Variants in SLC22A11 observed in about 807,000 individuals in gnomAD.
The protein encoded by SLC22A11 is organic anion transporter 4.
Under a neutral mutation model 49.4 loss-of-function variants are expected in SLC22A11, and 42 were observed. The observed-to-expected ratio is 0.85, with a 90% CI of 0.66 to 1.10. The LOEUF (loss-of-function observed/expected upper bound fraction) is 1.10, where lower values mean the gene tolerates loss of function less well. Among genes scored for constraint, SLC22A11 ranks in the 50% least tolerant of loss-of-function variants. The pLI is 0.00. For missense variants in SLC22A11, 685 were observed against 731.6 expected, an observed-to-expected ratio of 0.94 and a Z score of 0.74; for synonymous variants, 304 against 315.8, an observed-to-expected ratio of 0.96 and a Z score of 0.40.
intron 2 of SLC22A11, among the ~76,000 whole-genome samples, chr11:64,559,833 C>T (rs989507738): frequency 2.6e-5 from 4 of 152,296 alleles, no homozygotes; most frequent in East Asian, 3.9e-4. Flanking sequence ...GTGATGGGCA[C>T]GCCAGGGCCA....
Position 64,556,063 on chromosome 11 carries a change from CTCACCT to C in SLC22A11, c.68_73del (p.Thr23_Phe24del). 2 of 1,613,936 alleles carry C rather than the reference CTCACCT, an allele frequency of 1.2e-6. No homozygotes were observed. Among genetic ancestry groups the C allele is most frequent in the South Asian group, 1.1e-5 (1 of 91,084 alleles). ...GGGCCTCTTCCAGACCCTGCAGGTGCTCACCTTCATCCTCCCCTGCCTCATGATACC... is the reference window on the plus strand; with the variant it reads ...GGGCCTCTTCCAGACCCTGCAGGTGCTCATCCTCCCCTGCCTCATGATACC... On this transcript the variant is annotated inframe_deletion, in exon 1 of 10. Transcript: ENST00000301891.
At chr11:64,556,444 C>A in intron 1 of SLC22A11, 52 bp downstream of exon 1, 2 of 1,589,224 alleles carry the variant, frequency 1.3e-6, no homozygotes, top group South Asian at 1.1e-5. Context: ...AGGTCAGAGT[C>A]ATGGATCAGG....
At chr11:64,559,873 G>T (rs2038518300) in intron 2 of SLC22A11, among the ~76,000 whole-genome samples, 1 of 152,180 alleles carries the variant, frequency 6.6e-6, no homozygotes, top group Non-Finnish European at 1.5e-5. Flanking sequence ...TCTCGTACCA[G>T]GTGACACTGA....
At chr11:64,569,994 A>G in intron 9 of SLC22A11, 136 bp downstream of exon 9, 2 of 737,052 alleles carry the variant, frequency 2.7e-6, no homozygotes, top group Non-Finnish European at 4.4e-6. Flanking sequence ...CTTTCCAACA[A>G]TCCTGCCAGA....
In SLC22A11 at chr11:64,562,489, C is replaced by A; in HGVS notation, c.821+54C>A. On this transcript the variant is annotated intron_variant, in intron 4 of 9. Transcript: ENST00000301891. This position sits in a 1 kb window ranked among gnomAD's most constrained non-coding sequence, Gnocchi z 4.4. ...GGAGACCCAGGGTGGGAGGGGGACTCTTCACTTTCACCTCTCTGGCTGGCA... is the reference window on the plus strand; with the variant it reads ...GGAGACCCAGGGTGGGAGGGGGACTATTCACTTTCACCTCTCTGGCTGGCA... 6.8e-7 allele frequency: 1 copy of A among 1,480,568 alleles called. No individual in the cohort carries two copies. The highest frequency in any genetic ancestry group is 1.8e-4 in the Middle Eastern group (1 of 5,558). 91.7% of individuals were successfully genotyped at this position (1,480,568 alleles called of 1,614,324 possible).
chr11:64,562,243 C>A lies in SLC22A11; in HGVS notation c.653-24C>A. The A allele has an allele frequency of 6.2e-7, 1 of 1,600,556 alleles. No homozygotes were observed. The highest frequency in any genetic ancestry group is 8.5e-7 in the Non-Finnish European group (1 of 1,171,100). ...GCTCAGGCCGCCGCATGAGGCCTCA[C>A]CTGCACGTGTCTGCATCCTTCAGTG... On this transcript the variant is annotated intron_variant, in intron 3 of 9. Coordinates refer to ENST00000301891, the MANE Select transcript of SLC22A11 (RefSeq NM_018484.4). This position sits in a 1 kb window ranked among gnomAD's most constrained non-coding sequence, Gnocchi z 4.4.
chr11:64,570,581 C>T (rs2038690299), intron 9 of SLC22A11, among the ~76,000 whole-genome samples: 1 of 152,174 alleles, frequency 6.6e-6, no homozygotes, highest in Admixed American at 6.5e-5. Context: ...ACAGGGCCGC[C>T]TCAATTCTGA....
At chr11:64,560,387 C>T (rs994420473) in intron 2 of SLC22A11, among the ~76,000 whole-genome samples, 2 of 152,110 alleles carry the variant, frequency 1.3e-5, no homozygotes, top group African/African-American at 4.8e-5. Context: ...CCTCCGAGGG[C>T]CCCACTGCAC....
chr11:64,569,996 C>A, intron 9 of SLC22A11, 138 bp downstream of exon 9: 1 of 740,606 alleles, frequency 1.4e-6, no homozygotes, highest in Non-Finnish European at 2.2e-6. Context: ...TTCCAACAAT[C>A]CTGCCAGAAA....
chr11:64,565,648 C>G lies in SLC22A11; in HGVS notation c.1058+311C>G. 1 of 477,426 alleles carries G rather than the reference C, an allele frequency of 2.1e-6. No individual in the cohort carries two copies. Among genetic ancestry groups the G allele is most frequent in the Non-Finnish European group, 4.1e-6 (1 of 245,392 alleles). The allele number at this position is 477,426 out of a possible 1,614,324, so 29.6% of individuals were successfully genotyped here. Reference sequence around the variant, plus strand: ...GAGGCAGAGCCAGGGTCCCTAGAGCCAGGGGACCAGCCACGGCCGAGGAGT... The same window carrying G: ...GAGGCAGAGCCAGGGTCCCTAGAGCGAGGGGACCAGCCACGGCCGAGGAGT... On this transcript the variant is annotated intron_variant, in intron 6 of 9. Transcript: ENST00000301891. The surrounding 1 kb of genome is among the most constrained non-coding windows in gnomAD (Gnocchi z 4.1).
intron 9 of SLC22A11, among the ~76,000 whole-genome samples, chr11:64,570,546 G>C (rs1256253037): frequency 6.6e-6 from 1 of 152,218 alleles, no homozygotes; most frequent in African/African-American, 2.4e-5. Flanking sequence ...TGGACATGTG[G>C]TTATTGTGTC....
intron 2 of SLC22A11, 51 bp downstream of exon 2, chr11:64,559,289 A>G (rs1333473609): frequency 9.5e-6 from 13 of 1,365,468 alleles, no homozygotes; most frequent in Non-Finnish European, 1.3e-5. Flanking sequence ...ACATTGTTGA[A>G]GACTATGGGG....
chr11:64,569,484 A>T (rs775279068), intron 8 of SLC22A11, among the ~76,000 whole-genome samples, 168 bp from the exon 9 acceptor site: 2 of 152,098 alleles, frequency 1.3e-5, no homozygotes, highest in African/African-American at 4.8e-5. Flanking sequence ...GAAACACTAG[A>T]TGCAAAAATC....
intron 8 of SLC22A11, 100 bp from the exon 9 acceptor site, chr11:64,569,552 T>A: frequency 7.7e-7 from 1 of 1,291,378 alleles, no homozygotes; most frequent in Middle Eastern, 2.8e-4. Flanking sequence ...GGCAATTCCC[T>A]CAGCCCAGCT....
At chr11:64,570,121 G>T (rs896656433) in intron 9 of SLC22A11, among the ~76,000 whole-genome samples, 1 of 152,256 alleles carries the variant, frequency 6.6e-6, no homozygotes, top group Non-Finnish European at 1.5e-5. Context: ...ATGGTTGAAA[G>T]CCCAGGCTTG....
Position 64,565,009 on chromosome 11 carries a change from A to G in SLC22A11, c.943-213A>G, listed in dbSNP as rs1312531347. 6.6e-6 allele frequency among the ~76,000 whole-genome samples: 1 copy of G among 152,212 alleles called. No homozygotes were observed. Among genetic ancestry groups the G allele is most frequent in the African/African-American group, 2.4e-5 (1 of 41,456 alleles). On this transcript the variant is annotated intron_variant, in intron 5 of 9. Transcript: ENST00000301891. This position sits in a 1 kb window ranked among gnomAD's most constrained non-coding sequence, Gnocchi z 4.1. ...AAGGAGGCAAGCTAGAGCTGAGAGG[A>G]CCAGGGCTGAGTCAAACCTGCAGAA...
In SLC22A11 at chr11:64,568,748, A is replaced by G. The variant is rs758922801; in HGVS notation, c.1352A>G (p.Tyr451Cys). The change falls in exon 8 of 10, where the codon TAC (tyrosine) becomes TGC (cysteine). Residue 451 changes from tyrosine to cysteine, a missense_variant. Tyr to Cys is a radical substitution (Grantham distance 194). Coordinates refer to ENST00000301891, the MANE Select transcript of SLC22A11 (RefSeq NM_018484.4). ...FGISLTCLTIYKAELFPTPVR... is the reference protein window; with the variant it reads ...FGISLTCLTICKAELFPTPVR... ...ATAAGCCTAACCTGCCTCACCATCT[A>G]CAAGGCTGAACTCTTTCCAACGCCA... is the stretch of plus-strand genomic sequence containing the variant. 8 of 1,613,810 alleles carry G rather than the reference A, an allele frequency of 5.0e-6. No homozygotes were observed. The highest frequency in any genetic ancestry group is 1.7e-5 in the Admixed American group (1 of 59,994).
In SLC22A11 at chr11:64,559,244, T is replaced by G; in HGVS notation, c.497+6T>G. On this transcript the variant is annotated splice_donor_region_variant and intron_variant, in intron 2 of 9. Coordinates refer to ENST00000301891, the MANE Select transcript of SLC22A11 (RefSeq NM_018484.4). Reference sequence around the variant, plus strand: ...TGGGGCCTCCTCTCCTACCGGTGAGTGCCTCCGCTCCTCCCAGCCCCCAGC... The same window carrying G: ...TGGGGCCTCCTCTCCTACCGGTGAGGGCCTCCGCTCCTCCCAGCCCCCAGC... 6.3e-7 allele frequency: 1 copy of G among 1,582,358 alleles called. No individual in the cohort carries two copies. The highest frequency in any genetic ancestry group is 1.1e-5 in the South Asian group (1 of 87,728).
At chr11:64,566,293 C>A (rs1434052182) in intron 6 of SLC22A11, 4 of 151,474 alleles carry the variant, frequency 2.6e-5, no homozygotes, top group Non-Finnish European at 4.4e-5. Flanking sequence ...GGACTTTTAT[C>A]TTGAAATAAA....
Sources: gnomAD v4.1 joint callset for allele counts (sites outside exome capture counted in the v4.1 genomes callset) on GRCh38, gnomAD v4.1.1 for gene constraint, Gnocchi (gnomAD v3.1) non-coding constraint, MANE v1.5 for transcripts, NCBI Gene and HGNC (gene_info 2026-07-23, HGNC 2026-07-21) for gene names.